Variants in SNX10 observed in about 807,000 individuals in gnomAD.
SNX10 encodes sorting nexin 10.
A neutral mutation model predicts 28.5 loss-of-function variants in SNX10; 25 were observed. The ratio of observed to expected loss-of-function variants is 0.88; its 90% CI spans 0.64 to 1.22. The LOEUF (loss-of-function observed/expected upper bound fraction) is 1.22. SNX10 is among the 50% of genes most tolerant of loss of function. The pLI, the probability that SNX10 is intolerant of heterozygous loss-of-function variation, is 0.00. For missense variants in SNX10, 223 were observed against 242.6 expected, an observed-to-expected ratio of 0.92 and a Z score of 0.54; for synonymous variants, 62 against 81.4, an observed-to-expected ratio of 0.76 and a Z score of 1.28.
intron 1 of SNX10, among the ~76,000 whole-genome samples, chr7:26,293,314 C>T (rs1785996012): frequency 6.6e-6 from 1 of 152,190 alleles, no homozygotes; most frequent in South Asian, 2.1e-4. Context: ...GATCCTCCCA[C>T]CTCAGCCTCC....
intron 2 of SNX10, among the ~76,000 whole-genome samples, chr7:26,356,612 T>C (rs1788829419): frequency 6.6e-6 from 1 of 152,200 alleles, no homozygotes; most frequent in African/African-American, 2.4e-5. Context: ...AATTATAGAA[T>C]ATTTTAAAAT....
At chr7:26,305,852 A>C (rs1327191995) in intron 1 of SNX10, among the ~76,000 whole-genome samples, 2 of 152,186 alleles carry the variant, frequency 1.3e-5, no homozygotes, top group African/African-American at 4.8e-5. Flanking sequence ...TAAGAGTTTA[A>C]GAATAATAAC....
intron 1 of SNX10, among the ~76,000 whole-genome samples, chr7:26,294,463 T>C (rs1786035787): frequency 6.6e-6 from 1 of 152,218 alleles, no homozygotes; most frequent in African/African-American, 2.4e-5. Flanking sequence ...AGCTGACATT[T>C]ATCGAGTGCT....
At position 26,374,130 on chromosome 7, in the gene SNX10, T is replaced by A. The variant is rs1403186026; in HGVS notation, c.*1558T>A. ...CCATCCAGGCATTTAAGAGCGATCC[T>A]CATCCCTTCAGCAATATGTATTTGA... On this transcript the variant is annotated 3_prime_UTR_variant, in exon 7 of 7. Coordinates refer to ENST00000338523, the MANE Select transcript of SNX10 (RefSeq NM_013322.3). 1 of 152,074 alleles carries A rather than the reference T, an allele frequency of 6.6e-6. No homozygotes were observed. Among genetic ancestry groups the A allele is most frequent in the East Asian group, 1.9e-4 (1 of 5,202 alleles). 9.4% of individuals were successfully genotyped at this position (152,074 alleles called of 1,614,324 possible).
intron 1 of SNX10, among the ~76,000 whole-genome samples, chr7:26,305,273 T>C (rs1240419777): frequency 6.6e-6 from 1 of 152,142 alleles, no homozygotes; most frequent in Admixed American, 6.5e-5. Context: ...CCCCAGTTCC[T>C]CTCTTCAACT....
intron 1 of SNX10, among the ~76,000 whole-genome samples, chr7:26,303,396 C>T (rs1278978108): frequency 6.6e-5 from 10 of 152,168 alleles, no homozygotes; most frequent in Non-Finnish European, 2.9e-5. Flanking sequence ...CTGGCTGGGG[C>T]TTCTCTACTT....
At chr7:26,301,634 A>G (rs1786370266) in intron 1 of SNX10, among the ~76,000 whole-genome samples, 1 of 152,222 alleles carries the variant, frequency 6.6e-6, no homozygotes, top group African/African-American at 2.4e-5. Context: ...TGTTTTAGGA[A>G]GGAGATGGAA....
At chr7:26,327,890 C>T (rs547263690) in intron 1 of SNX10, among the ~76,000 whole-genome samples, 1 of 151,790 alleles carries the variant, frequency 6.6e-6, no homozygotes, top group East Asian at 1.9e-4. Flanking sequence ...CCACCACACC[C>T]AGCTATTTTT....
At chr7:26,330,961 A>G (rs1584127004) in intron 1 of SNX10, among the ~76,000 whole-genome samples, 1 of 152,076 alleles carries the variant, frequency 6.6e-6, no homozygotes, top group East Asian at 1.9e-4. Flanking sequence ...ACCAGCCTGG[A>G]CAACATGGCA....
chr7:26,337,548 G>A (rs1787987860), intron 1 of SNX10, among the ~76,000 whole-genome samples: 1 of 152,116 alleles, frequency 6.6e-6, no homozygotes, highest in Admixed American at 6.5e-5. Context: ...TCATGTAAGT[G>A]GAATAATAAA....
intron 1 of SNX10, among the ~76,000 whole-genome samples, chr7:26,338,296 T>G (rs1196955273): frequency 6.6e-6 from 1 of 151,906 alleles, no homozygotes; most frequent in African/African-American, 2.4e-5. Flanking sequence ...TTTGTGTATT[T>G]TGTAGAGGTG....
At chr7:26,367,268 C>T (rs915786940) in intron 5 of SNX10, among the ~76,000 whole-genome samples, 2 of 152,104 alleles carry the variant, frequency 1.3e-5, no homozygotes, top group South Asian at 4.2e-4. Context: ...TAGGACTGCA[C>T]AGAATGAACA....
At chr7:26,358,805 G>GTTTTTGTTTTTTTTTTTTTTT (rs1554360948) in intron 2 of SNX10, among the ~76,000 whole-genome samples, 6 of 100,104 alleles carry the variant, frequency 6.0e-5, no homozygotes, top group African/African-American at 2.6e-4. Flanking sequence ...GTTATCTTGT[G>GTTTTTGTTTTTTTTTTTTTTT]TTTTTTTTTT....
At chr7:26,320,582 G>A (rs1211379134) in intron 1 of SNX10, among the ~76,000 whole-genome samples, 4 of 151,942 alleles carry the variant, frequency 2.6e-5, no homozygotes, top group East Asian at 1.9e-4. Flanking sequence ...ACAGGCGCCC[G>A]CCACCACGCC....
At chr7:26,324,700 T>C (rs925666506) in intron 1 of SNX10, among the ~76,000 whole-genome samples, 4 of 151,768 alleles carry the variant, frequency 2.6e-5, no homozygotes, top group Admixed American at 1.3e-4. Flanking sequence ...AATGACTGAG[T>C]GGGGAATGAA....
intron 2 of SNX10, among the ~76,000 whole-genome samples, chr7:26,349,323 A>G (rs781133178): frequency 4.0e-5 from 6 of 151,504 alleles, no homozygotes; most frequent in Non-Finnish European, 8.8e-5. Flanking sequence ...AAATGGTAGT[A>G]CTGACCTTAA....
At chr7:26,298,969 A>G (rs573832898) in intron 1 of SNX10, among the ~76,000 whole-genome samples, 5 of 152,338 alleles carry the variant, frequency 3.3e-5, no homozygotes, top group African/African-American at 1.2e-4. Context: ...CCTGTTTCCA[A>G]ATACCAACAC....
At chr7:26,311,474 G>A (rs537760242) in intron 1 of SNX10, among the ~76,000 whole-genome samples, 45 of 152,304 alleles carry the variant, frequency 3.0e-4, no homozygotes, top group Admixed American at 1.6e-3. Context: ...ACTTGAGAAG[G>A]CATAAGATAC....
At chr7:26,302,130 C>G (rs1370068167) in intron 1 of SNX10, among the ~76,000 whole-genome samples, 1 of 152,128 alleles carries the variant, frequency 6.6e-6, no homozygotes, top group Admixed American at 6.5e-5. Context: ...TTATTTTCAT[C>G]TCCTTTTTTT....
Sources: gnomAD v4.1 joint callset for allele counts (sites outside exome capture counted in the v4.1 genomes callset) on GRCh38, gnomAD v4.1.1 for gene constraint, MANE v1.5 for transcripts, NCBI Gene and HGNC (gene_info 2026-07-23, HGNC 2026-07-21) for gene names.